NPAS3: variants seen among roughly 807,000 people sequenced by gnomAD.
NPAS3 encodes the protein neuronal PAS domain-containing protein 3.
NPAS3 carries 14 observed loss-of-function variants against 73.1 expected under a neutral mutation model. That is an observed-to-expected ratio of 0.19 (90% CI 0.13 to 0.30). The LOEUF is 0.30. Ranked by LOEUF, NPAS3 falls within the 10% of genes least tolerant of loss-of-function variation. The probability of loss-of-function intolerance (pLI) is 1.00; values close to 1 mark genes in which losing one functional copy is unlikely to be tolerated. For synonymous variants in NPAS3, 620 were observed against 541.5 expected (o/e 1.14, Z -2.01); for missense variants, 1,096 against 1,250.0 (o/e 0.88, Z 1.86).
intron 3 of NPAS3, among the ~76,000 whole-genome samples, chr14:33,306,654 C>T (rs2042766275): frequency 6.6e-6 from 1 of 152,138 alleles, no homozygotes; most frequent in Admixed American, 6.6e-5. Flanking sequence ...ATTTGTATTG[C>T]ACAGGTAGTT....
intron 2 of NPAS3, among the ~76,000 whole-genome samples, chr14:33,213,045 GT>G (rs760594637): frequency 6.6e-6 from 1 of 152,192 alleles, no homozygotes; most frequent in Non-Finnish European, 1.5e-5. Context: ...TCCTCTAGAA[GT>G]GGTGACACCA....
At chr14:32,950,937 C>T (rs756350862) in intron 1 of NPAS3, among the ~76,000 whole-genome samples, 1 of 152,046 alleles carries the variant, frequency 6.6e-6, no homozygotes, top group Non-Finnish European at 1.5e-5. Flanking sequence ...TCTTTGTGTA[C>T]AACAATGGGC....
intron 2 of NPAS3, among the ~76,000 whole-genome samples, chr14:33,158,697 A>T (rs2044737508): frequency 6.6e-6 from 1 of 152,216 alleles, no homozygotes; most frequent in East Asian, 1.9e-4. Context: ...CAGTCCCAGA[A>T]GAGGAAACAG....
At chr14:33,006,926 G>T (rs2039019716) in intron 1 of NPAS3, among the ~76,000 whole-genome samples, 1 of 152,116 alleles carries the variant, frequency 6.6e-6, no homozygotes, top group Non-Finnish European at 1.5e-5. Flanking sequence ...GGGTCTCCTT[G>T]TGTTATTTTA....
chr14:33,307,593 A>ATG lies in NPAS3; in HGVS notation c.386-59575_386-59574dup, dbSNP rs10528551. 2.9e-4 allele frequency among the ~76,000 whole-genome samples: 41 copies of ATG among 139,034 alleles called. No individual in the cohort carries two copies. In the East Asian group the frequency reaches 6.8e-3, roughly 23 times the overall value. 91.2% of individuals were successfully genotyped at this position (139,034 alleles called of 152,430 possible). ...TTTCACCTCACCAGGTTTTTTTTCA[A>ATG]TGTGTGTGTGTGTGTGTGTTCGTGT... On this transcript the variant is annotated intron_variant, in intron 3 of 11. Transcript: ENST00000356141.
intron 3 of NPAS3, among the ~76,000 whole-genome samples, chr14:33,320,350 G>T (rs1286130381): frequency 2.0e-5 from 3 of 152,084 alleles, no homozygotes; most frequent in Non-Finnish European, 4.4e-5. Context: ...GATCAGGGTT[G>T]TTCTTAGAAG....
intron 4 of NPAS3, among the ~76,000 whole-genome samples, chr14:33,516,960 G>A (rs2053329357): frequency 6.6e-6 from 1 of 151,944 alleles, no homozygotes; most frequent in Non-Finnish European, 1.5e-5. Flanking sequence ...CTAGATCTTG[G>A]TCTCCCAGCA....
At chr14:33,392,425 G>A (rs1005426842) in intron 4 of NPAS3, among the ~76,000 whole-genome samples, 10 of 152,044 alleles carry the variant, frequency 6.6e-5, no homozygotes, top group African/African-American at 1.9e-4. Flanking sequence ...ATGAATATAG[G>A]ATCTGTACCT....
chr14:33,326,561 G>A (rs762532479), intron 3 of NPAS3, among the ~76,000 whole-genome samples: 4 of 152,160 alleles, frequency 2.6e-5, no homozygotes, highest in Non-Finnish European at 5.9e-5. Flanking sequence ...CAATAAAATG[G>A]ATTATTATAT....
chr14:33,112,512 G>A (rs2042928757), intron 2 of NPAS3, among the ~76,000 whole-genome samples: 1 of 151,654 alleles, frequency 6.6e-6, no homozygotes, highest in Non-Finnish European at 1.5e-5. Context: ...GTTTTTGATG[G>A]GGTTGTTTTT....
chr14:33,097,504 C>T (rs1252252077), intron 2 of NPAS3, among the ~76,000 whole-genome samples: 1 of 151,794 alleles, frequency 6.6e-6, no homozygotes, highest in African/African-American at 2.4e-5. Flanking sequence ...TTGTACATGT[C>T]TCTTTGGTAA....
intron 2 of NPAS3, among the ~76,000 whole-genome samples, chr14:33,153,818 C>T (rs952343446): frequency 6.6e-6 from 1 of 152,160 alleles, no homozygotes; most frequent in African/African-American, 2.4e-5. Context: ...GACTCTTTCT[C>T]AGCATTGCAT....
At chr14:32,934,946 G>T (rs1195918711), upstream of NPAS3, 71 of 1,242,340 alleles carry the variant, frequency 5.7e-5, no homozygotes, top group East Asian at 5.1e-4. The surrounding 1 kb of genome is among the most constrained non-coding windows in gnomAD (Gnocchi z 4.1). Flanking sequence ...GGGAGGGCCG[G>T]CGCCGCGGCC....
At chr14:33,073,807 C>T (rs2041565951) in intron 2 of NPAS3, among the ~76,000 whole-genome samples, 1 of 152,146 alleles carries the variant, frequency 6.6e-6, no homozygotes, top group Non-Finnish European at 1.5e-5. Context: ...TTTTTGTAAC[C>T]TCTGTGTTTG....
chr14:33,414,439 A>C (rs568130383), intron 4 of NPAS3, among the ~76,000 whole-genome samples: 17 of 152,270 alleles, frequency 1.1e-4, no homozygotes, highest in African/African-American at 4.1e-4. Context: ...TTATATCATG[A>C]GCGGTTCAAA....
intron 5 of NPAS3, among the ~76,000 whole-genome samples, chr14:33,667,501 G>C (rs1379735203): frequency 6.6e-6 from 1 of 151,974 alleles, no homozygotes; most frequent in Non-Finnish European, 1.5e-5. Flanking sequence ...TTTTCTACTT[G>C]CCAGTTCTAT....
chr14:33,129,367 C>G (rs2043549553), intron 2 of NPAS3, among the ~76,000 whole-genome samples: 1 of 152,164 alleles, frequency 6.6e-6, no homozygotes, highest in South Asian at 2.1e-4. Flanking sequence ...AGAGACTTCT[C>G]TAACACATGT....
intron 2 of NPAS3, among the ~76,000 whole-genome samples, chr14:33,062,743 G>C (rs565102547): frequency 6.6e-6 from 1 of 152,186 alleles, no homozygotes; most frequent in Non-Finnish European, 1.5e-5. Context: ...GAACAGCGGC[G>C]TTCAAAAATC....
chr14:33,694,619 C>G (rs2060323785), intron 6 of NPAS3, among the ~76,000 whole-genome samples: 1 of 152,108 alleles, frequency 6.6e-6, no homozygotes, highest in Non-Finnish European at 1.5e-5. Flanking sequence ...TTTTACAAAG[C>G]TAGTAAACAT....
Sources: gnomAD v4.1 joint callset for allele counts (sites outside exome capture counted in the v4.1 genomes callset) on GRCh38, gnomAD v4.1.1 for gene constraint, Gnocchi (gnomAD v3.1) non-coding constraint, MANE v1.5 for transcripts, NCBI Gene and HGNC (gene_info 2026-07-23, HGNC 2026-07-21) for gene names.